The following ADAM28 variants were observed in gnomAD, a reference collection of about 807,000 sequenced individuals.
ADAM28 encodes ADAM metallopeptidase domain 28, also known as disintegrin and metalloproteinase domain-containing protein 28.
A neutral mutation model predicts 101.2 loss-of-function variants in ADAM28; 105 were observed. The observed-to-expected ratio is 1.04, with a 90% CI of 0.89 to 1.22. The LOEUF is 1.22. Among genes scored for constraint, ADAM28 ranks in the 50% most tolerant of loss-of-function variants. The pLI, the probability that ADAM28 is intolerant of heterozygous loss-of-function variation, is 0.00. For missense variants in ADAM28, 1,028 were observed against 945.4 expected (o/e 1.09, Z -1.15); for synonymous variants, 322 against 310.6 (o/e 1.04, Z -0.39).
At chr8:24,315,033 G>T (rs1810980452) in intron 6 of ADAM28, among the ~76,000 whole-genome samples, 1 of 150,628 alleles carries the variant, frequency 6.6e-6, no homozygotes, top group African/African-American at 2.4e-5. Context: ...AGGAAGAAAT[G>T]AAAAAGAAAT....
chr8:24,330,654 C>T (rs1199438368), intron 11 of ADAM28, among the ~76,000 whole-genome samples: 1 of 152,122 alleles, frequency 6.6e-6, no homozygotes, highest in African/African-American at 2.4e-5. Flanking sequence ...CTCCCTCAGC[C>T]CACTGAAGCT....
At chr8:24,336,227 G>A in intron 14 of ADAM28, 1 of 915,252 alleles carries the variant, frequency 1.1e-6, no homozygotes, top group Non-Finnish European at 1.3e-6. Flanking sequence ...ATTTCACCAA[G>A]AAAACTTGAA....
chr8:24,346,977 G>A (rs1236053852), intron 18 of ADAM28: 2 of 151,950 alleles, frequency 1.3e-5, no homozygotes, highest in East Asian at 3.9e-4. Flanking sequence ...ACATACATTT[G>A]TTACATCCAT....
At chr8:24,308,714 T>A in intron 2 of ADAM28, 1 of 456,234 alleles carries the variant, frequency 2.2e-6, no homozygotes, top group Non-Finnish European at 4.4e-6. Context: ...GGGAAATTTA[T>A]AGCCTGGGAT....
At chr8:24,304,411 T>C (rs1163941369) in intron 2 of ADAM28, among the ~76,000 whole-genome samples, 1 of 152,170 alleles carries the variant, frequency 6.6e-6, no homozygotes, top group South Asian at 2.1e-4. Flanking sequence ...TTAGTTTGTG[T>C]TCACCTGTAA....
chr8:24,326,527 T>C, intron 9 of ADAM28, 27 bp from the exon 10 acceptor site: 1 of 1,596,616 alleles, frequency 6.3e-7, no homozygotes, highest in Non-Finnish European at 8.6e-7. Context: ...TTATAATTTG[T>C]TACATCAATT....
intron 9 of ADAM28, among the ~76,000 whole-genome samples, chr8:24,325,894 A>AAAAAAAAAAAAAAAAAAAAAAAAAAAG (rs1812541748): frequency 7.2e-6 from 1 of 139,598 alleles, no homozygotes; most frequent in Non-Finnish European, 1.6e-5. Context: ...AAAAAAAAAA[A>AAAAAAAAAAAAAAAAAAAAAAAAAAAG]AAAAAACCAA....
rs183631078 is a variant in ADAM28 at position 24,335,839 on chromosome 8, A to G, written c.1567+198A>G. ...AAGTAAAAATAAGGATGGCCCCGTT[A>G]AATTTTAACTTAAAATTAACAAGTT... On this transcript the variant is annotated intron_variant, in intron 14 of 22. Transcript: ENST00000265769. The G allele has an allele frequency of 2.7e-4, 336 of 1,247,690 alleles. 6 individuals are homozygous for G. The East Asian group carries it at 7.9e-3, about 29-fold the overall frequency. The allele number at this position is 1,247,690 out of a possible 1,614,324, so 77.3% of individuals were successfully genotyped here. A position where few individuals can be genotyped will look rare whatever the true frequency, so the allele number is the denominator to read the frequency against.
chr8:24,325,886 A>AAAAAAAACAAAC (rs1812515246), intron 9 of ADAM28, among the ~76,000 whole-genome samples: 1 of 130,164 alleles, frequency 7.7e-6, no homozygotes, highest in African/African-American at 2.6e-5. Context: ...AAAAAAAAAA[A>AAAAAAAACAAAC]AAAAAAAAAA....
At chr8:24,302,939 G>A (rs13259588) in intron 2 of ADAM28, among the ~76,000 whole-genome samples, 56 of 112,644 alleles carry the variant, frequency 5.0e-4, no homozygotes, top group Admixed American at 1.5e-3. Flanking sequence ...CCCACAACAA[G>A]CCACAGTGTG....
In ADAM28 at chr8:24,326,547, C is replaced by T; in HGVS notation, c.891-7C>T. On this transcript the variant is annotated splice_polypyrimidine_tract_variant and splice_region_variant and intron_variant, in intron 9 of 22. Transcript: ENST00000265769. ...ATTTGTTACATCAATTTATTCCTTTCTTGCAGAGCAACAGAACTTGCTGGA... is the reference window on the plus strand; with the variant it reads ...ATTTGTTACATCAATTTATTCCTTTTTTGCAGAGCAACAGAACTTGCTGGA... The T allele has an allele frequency of 6.2e-7, 1 of 1,610,552 alleles. No homozygotes were observed. Among genetic ancestry groups the T allele is most frequent in the Non-Finnish European group, 8.5e-7 (1 of 1,177,752 alleles).
At chr8:24,304,296 C>G (rs1181369315) in intron 2 of ADAM28, among the ~76,000 whole-genome samples, 1 of 150,414 alleles carries the variant, frequency 6.6e-6, no homozygotes, top group Non-Finnish European at 1.5e-5. Context: ...TTGATATTTA[C>G]TGCAGTTATA....
At chr8:24,313,968 G>T (rs1421706675) in intron 6 of ADAM28, among the ~76,000 whole-genome samples, 3 of 151,996 alleles carry the variant, frequency 2.0e-5, no homozygotes, top group Non-Finnish European at 2.9e-5. Flanking sequence ...TGTTGGTCAG[G>T]CTGGTCTCCA....
intron 2 of ADAM28, among the ~76,000 whole-genome samples, chr8:24,306,361 T>TATATATATATATATATATAA (rs1809638746): frequency 1.7e-5 from 2 of 115,390 alleles, no homozygotes; most frequent in African/African-American, 7.3e-5. Flanking sequence ...AATAAATAAA[T>TATATATATATATATATATAA]AAATATATAT....
rs142078039 is a variant in ADAM28, at chr8:24,330,043, A to G, written c.1031A>G (p.Asn344Ser). Reference protein sequence around the residue: ...AGTMAHEMGHNFGMFHDDYSC... With the variant: ...AGTMAHEMGHSFGMFHDDYSC... ...ACAATGGCACATGAAATGGGCCACA[A>G]CTTTGGAATGTTTCATGACGACTAT... Residue 344 changes from asparagine to serine, a missense_variant, in exon 11 of 23, where the codon AAC becomes AGC. Asn to Ser is a conservative substitution (Grantham distance 46, BLOSUM62 1). Transcript: ENST00000265769. The G allele has an allele frequency of 1.2e-6, 2 of 1,613,750 alleles. No homozygotes were observed. Among genetic ancestry groups the G allele is most frequent in the African/African-American group, 2.7e-5 (2 of 74,982 alleles).
At chr8:24,351,168 G>A in intron 19 of ADAM28, 64 bp from the exon 20 acceptor site, 3 of 1,303,358 alleles carry the variant, frequency 2.3e-6, no homozygotes, top group Non-Finnish European at 3.1e-6. Context: ...ATCTTCTACG[G>A]AGTTTCCCTG....
Position 24,355,265 on chromosome 8 carries a change from A to G in ADAM28, c.*861A>G, listed in dbSNP as rs896107716. Reference sequence around the variant, plus strand: ...TGTCAACAACAGACTTACATTGCCCATAGCAACCGTCAGCTTAGTTGATGG... The same window carrying G: ...TGTCAACAACAGACTTACATTGCCCGTAGCAACCGTCAGCTTAGTTGATGG... On this transcript the variant is annotated 3_prime_UTR_variant, in exon 23 of 23. Coordinates refer to ENST00000265769, the MANE Select transcript of ADAM28 (RefSeq NM_014265.6). 6.6e-6 allele frequency: 1 copy of G among 152,246 alleles called. No homozygotes were observed. The highest frequency in any genetic ancestry group is 1.5e-5 in the Non-Finnish European group (1 of 68,004). 9.4% of individuals were successfully genotyped at this position (152,246 alleles called of 1,614,324 possible). A position where few individuals can be genotyped will look rare whatever the true frequency, so the allele number is the denominator to read the frequency against.
At chr8:24,347,429 A>G (rs1257403056) in intron 18 of ADAM28, among the ~76,000 whole-genome samples, 1 of 151,924 alleles carries the variant, frequency 6.6e-6, no homozygotes, top group East Asian at 1.9e-4. Context: ...ATTCATTTAT[A>G]TTCTCCGGAA....
intron 6 of ADAM28, among the ~76,000 whole-genome samples, chr8:24,317,299 A>ATAGT (rs1811282748): frequency 6.6e-6 from 1 of 152,106 alleles, no homozygotes; most frequent in Admixed American, 6.6e-5. Context: ...TTACAAAGAT[A>ATAGT]TAGTAATCGA....
Sources: allele counts gnomAD v4.1 joint callset (sites outside exome capture counted in the v4.1 genomes callset), GRCh38; gene constraint gnomAD v4.1.1; transcripts MANE v1.5; gene names NCBI Gene and HGNC (gene_info 2026-07-23, HGNC 2026-07-21).